Variants in USP34 observed in about 807,000 individuals in gnomAD.
USP34 encodes ubiquitin carboxyl-terminal hydrolase 34.
A neutral mutation model predicts 460.3 loss-of-function variants in USP34; 70 were observed. The ratio of observed to expected loss-of-function variants is 0.15; its 90% CI spans 0.13 to 0.19. The LOEUF (loss-of-function observed/expected upper bound fraction) is 0.19, where lower values mean the gene tolerates loss of function less well. Ranked by LOEUF, USP34 falls within the 10% of genes least tolerant of loss-of-function variation. The pLI is 1.00. For synonymous variants in USP34, 1,647 were observed against 1,405.3 expected (o/e 1.17, Z -3.85); for missense variants, 3,985 against 4,236.2 (o/e 0.94, Z 1.65).
chr2:61,387,928 TACACAC>T (rs36116916), intron 5 of USP34, among the ~76,000 whole-genome samples: 32 of 142,658 alleles, frequency 2.2e-4, no homozygotes, highest in Middle Eastern at 3.5e-3. Context: ...AATATATTTA[TACACAC>T]ACACACACAC....
In USP34 at chr2:61,284,883, C is replaced by G. The variant is rs1572900181; in HGVS notation, c.4824G>C (p.Leu1608=). 6.2e-7 allele frequency: 1 copy of G among 1,608,440 alleles called. No individual in the cohort carries two copies. The highest frequency in any genetic ancestry group is 2.2e-5 in the East Asian group (1 of 44,738). ...TATCTTAAAATGCATACCTAGGAGCCAGATTATCATACGTATAAGCAACAG... is the reference window on the plus strand; with the variant it reads ...TATCTTAAAATGCATACCTAGGAGCGAGATTATCATACGTATAAGCAACAG... ...LMSVAYTYDN[L]APRVLKAQSD... Residue 1608 remains leucine (L), a synonymous_variant, in exon 35 of 80, where the codon CTG becomes CTC. Transcript: ENST00000398571.
intron 64 of USP34, 104 bp downstream of exon 64, chr2:61,222,956 C>G (rs1293587900): frequency 4.7e-6 from 5 of 1,069,214 alleles, no homozygotes; most frequent in Non-Finnish European, 6.7e-6. Flanking sequence ...CTTGGCCTCC[C>G]AAAGTGCTGG....
intron 29 of USP34, among the ~76,000 whole-genome samples, chr2:61,297,728 T>C (rs954424149): frequency 5.3e-5 from 8 of 152,316 alleles, no homozygotes; most frequent in African/African-American, 1.9e-4. Flanking sequence ...CATGGTGCAC[T>C]TTGGTGGCAA....
intron 1 of USP34, among the ~76,000 whole-genome samples, chr2:61,463,664 C>T (rs576121421): frequency 6.6e-6 from 1 of 152,098 alleles, no homozygotes; most frequent in Admixed American, 6.6e-5. Context: ...TGAAACCCCA[C>T]ATCGACTAAA....
At chr2:61,223,456 T>C in intron 62 of USP34, 160 bp from the exon 63 acceptor site, 1 of 699,580 alleles carries the variant, frequency 1.4e-6, no homozygotes. Context: ...AAATGTCTTT[T>C]GGGCAACTTT....
intron 65 of USP34, chr2:61,221,893 T>TA (rs1222986983): frequency 1.2e-5 from 3 of 250,932 alleles, no homozygotes; most frequent in Non-Finnish European, 2.3e-5. Context: ...TGTAAATACT[T>TA]ACGATGTACA....
intron 58 of USP34, among the ~76,000 whole-genome samples, chr2:61,230,951 T>C (rs1687878011): frequency 6.6e-6 from 1 of 151,868 alleles, no homozygotes; most frequent in South Asian, 2.1e-4. Context: ...TACTAAAAGT[T>C]CCTAACAGCA....
chr2:61,214,035 A>T lies in USP34; in HGVS notation c.8682+25T>A, dbSNP rs778508748. The T allele has an allele frequency of 1.9e-6, 3 of 1,613,250 alleles. No homozygotes were observed. In the Admixed American group the frequency reaches 5.0e-5, roughly 27 times the overall value. ...ATTTCCAATCTATTTGAGGATACAG[A>T]TAAAAGAGTATCAATTTTACTCACT... On this transcript the variant is annotated intron_variant, in intron 68 of 79. Transcript: ENST00000398571.
At chr2:61,454,226 G>C (rs1294087804) in intron 1 of USP34, among the ~76,000 whole-genome samples, 2 of 152,096 alleles carry the variant, frequency 1.3e-5, no homozygotes, top group East Asian at 3.9e-4. Context: ...CCAGGTTCAA[G>C]TGATTCTCCT....
At position 61,333,964 on chromosome 2, in the gene USP34, C is replaced by T; in HGVS notation, c.2752G>A (p.Val918Ile). 6.3e-7 allele frequency: 1 copy of T among 1,579,832 alleles called. No homozygotes were observed. Among genetic ancestry groups the T allele is most frequent in the Non-Finnish European group, 8.6e-7 (1 of 1,165,606 alleles). ...LENLGNNRSV[V>I]ISLRLLPKLF... The stretch of plus-strand genomic sequence containing the variant: ...TTTGGAAGAAGACGAAGTGAAATTA[C>T]TACTGATCTGAAACAGCAGAAACAT... The change falls in exon 19 of 80, where the codon GTA becomes ATA. Residue 918 changes from valine (V) to isoleucine (I), a missense_variant. Coordinates refer to ENST00000398571, the MANE Select transcript of USP34 (RefSeq NM_014709.4).
At chr2:61,228,002 T>C (rs1356698193) in intron 61 of USP34, among the ~76,000 whole-genome samples, 1 of 152,248 alleles carries the variant, frequency 6.6e-6, no homozygotes. Flanking sequence ...TTTTATGATC[T>C]ACTAGTGTAT....
rs560585542 is a variant in USP34, at chr2:61,278,578, A to G, written c.5257-135T>C. 4.1e-4 allele frequency: 261 copies of G among 640,412 alleles called. 1 individual carries two copies. The East Asian group carries it at 7.5e-3, about 18-fold the overall frequency. 39.7% of individuals were successfully genotyped at this position (640,412 alleles called of 1,614,324 possible). On this transcript the variant is annotated intron_variant, in intron 39 of 79. Coordinates refer to ENST00000398571, the MANE Select transcript of USP34 (RefSeq NM_014709.4). ...ATTCAATAAGTTATAAACGTAATAC[A>G]CCTACTCTTTACTTATACATTATGT...
chr2:61,192,622 C>A (rs1291943482), intron 76 of USP34, among the ~76,000 whole-genome samples: 2 of 152,060 alleles, frequency 1.3e-5, no homozygotes, highest in Non-Finnish European at 2.9e-5. Flanking sequence ...TTGGATTTTC[C>A]CCACAACTGT....
chr2:61,417,416 T>C (rs1694227661), intron 2 of USP34: 2 of 446,476 alleles, frequency 4.5e-6, no homozygotes, highest in Non-Finnish European at 4.2e-6. Context: ...GTGACAGCTA[T>C]ATGACTGTTA....
chr2:61,401,102 G>T (rs1693703304), intron 3 of USP34, among the ~76,000 whole-genome samples: 1 of 135,266 alleles, frequency 7.4e-6, no homozygotes. Flanking sequence ...AGTGAGCCGA[G>T]ATCGCGCCAT....
intron 42 of USP34, 154 bp from the exon 43 acceptor site, chr2:61,265,711 G>T: frequency 1.4e-6 from 1 of 735,296 alleles, no homozygotes. Context: ...AAATACAGAT[G>T]AAAACTAATT....
chr2:61,321,863 G>C lies in USP34; in HGVS notation c.3014-2536C>G, dbSNP rs377760123. Among the ~76,000 whole-genome samples the C allele has an allele frequency of 2.0e-5, 3 of 152,144 alleles. No homozygotes were observed. The East Asian group carries it at 5.8e-4, about 29-fold the overall frequency. On this transcript the variant is annotated intron_variant, in intron 21 of 79. Coordinates refer to ENST00000398571, the MANE Select transcript of USP34 (RefSeq NM_014709.4). The stretch of plus-strand genomic sequence containing the variant: ...GGTTAAGGTTTGAGTATTATAAATA[G>C]AGTGTATACCATGTTCAAAGGTCAT...
Position 61,343,839 on chromosome 2 carries a change from T to C in USP34, c.2476A>G (p.Ile826Val), listed in dbSNP as rs771171347. The C allele has an allele frequency of 3.7e-6, 6 of 1,613,984 alleles. No homozygotes were observed. The highest frequency in any genetic ancestry group is 5.1e-6 in the Non-Finnish European group (6 of 1,179,900). ...CCTTGACTAAGATGTTCATGGTAAA[T>C]GGAAGCTAAATTGGGAAGATGTTGT... The part of the protein sequence containing the change: ...LQQHLPNLAS[I>V]YHEHLSQGPV... The change falls in exon 16 of 80, where the codon ATT becomes GTT. Residue 826 changes from isoleucine (I) to valine (V), a missense_variant. By Grantham distance (29) the Ile-to-Val change is conservative. Transcript: ENST00000398571.
chr2:61,388,982 T>TAC (rs1191474534), intron 5 of USP34, among the ~76,000 whole-genome samples: 2 of 151,942 alleles, frequency 1.3e-5, no homozygotes, highest in African/African-American at 2.4e-5. Flanking sequence ...AAAATGAACA[T>TAC]ACATGCAATA....
Sources: allele counts gnomAD v4.1 joint callset (sites outside exome capture counted in the v4.1 genomes callset), GRCh38; gene constraint gnomAD v4.1.1; transcripts MANE v1.5; gene names NCBI Gene and HGNC (gene_info 2026-07-23, HGNC 2026-07-21).